The following SNX2 variants were observed in gnomAD, a reference collection of about 807,000 sequenced individuals.
SNX2 encodes sorting nexin 2.
A neutral mutation model predicts 69.9 loss-of-function variants in SNX2; 25 were observed. The observed-to-expected ratio is 0.36, with a 90% CI of 0.26 to 0.50. The LOEUF is 0.50. Among genes scored for constraint, SNX2 ranks in the 20% least tolerant of loss-of-function variants. The probability of loss-of-function intolerance (pLI) is 0.97; values close to 1 mark genes in which losing one functional copy is unlikely to be tolerated. For synonymous variants in SNX2, 229 were observed against 200.4 expected (o/e 1.14, Z -1.20); for missense variants, 551 against 613.3 (o/e 0.90, Z 1.07).
intron 1 of SNX2, among the ~76,000 whole-genome samples, chr5:122,783,412 A>G (rs1753018499): frequency 6.6e-6 from 1 of 152,182 alleles, no homozygotes; most frequent in Admixed American, 6.5e-5. Flanking sequence ...TTTTGCTTAT[A>G]GTTTCTTCCA....
intron 11 of SNX2, among the ~76,000 whole-genome samples, chr5:122,824,511 T>A (rs1754110457): frequency 6.6e-6 from 1 of 152,048 alleles, no homozygotes; most frequent in African/African-American, 2.4e-5. Flanking sequence ...GTAAGAAAAA[T>A]TATCTGAGAA....
At chr5:122,810,342 A>G (rs1318090894) in intron 7 of SNX2, among the ~76,000 whole-genome samples, 2 of 140,294 alleles carry the variant, frequency 1.4e-5, no homozygotes, top group Non-Finnish European at 3.0e-5. Context: ...TCCCTCCACT[A>G]TTGTCCTATG....
intron 6 of SNX2, among the ~76,000 whole-genome samples, chr5:122,805,925 C>T (rs966469029): frequency 2.6e-5 from 4 of 152,034 alleles, no homozygotes; most frequent in South Asian, 2.1e-4. Flanking sequence ...GGACTACAGG[C>T]GCCCGCCACC....
chr5:122,806,142 G>GCGCACGCGCACACACACACACACACA, intron 6 of SNX2, among the ~76,000 whole-genome samples: 3,866 of 130,288 alleles, frequency 0.03, 68 homozygotes, highest in Admixed American at 0.046. Context: ...ACACGCGCGC[G>GCGCACGCGCACACACACACACACACA]CACACACACA....
chr5:122,797,449 G>A (rs1317821750), intron 2 of SNX2, among the ~76,000 whole-genome samples: 1 of 150,614 alleles, frequency 6.6e-6, no homozygotes, highest in Non-Finnish European at 1.5e-5. Flanking sequence ...ACATCATTAA[G>A]TGACTGAAGA....
chr5:122,819,061 T>C (rs1336236795), intron 11 of SNX2, 38 bp downstream of exon 11: 1 of 1,506,958 alleles, frequency 6.6e-7, no homozygotes, highest in Admixed American at 1.8e-5. Flanking sequence ...TTGTGTCGTG[T>C]ACTTTAAAAA....
chr5:122,831,547 A>C lies in SNX2; in HGVS notation c.*1899A>C, dbSNP rs1297566771. 1.3e-5 allele frequency among the ~76,000 whole-genome samples: 2 copies of C among 152,238 alleles called. No homozygotes were observed. The highest frequency in any genetic ancestry group is 2.4e-5 in the African/African-American group (1 of 41,470). On this transcript the variant is annotated 3_prime_UTR_variant, in exon 15 of 15. Coordinates refer to ENST00000379516, the MANE Select transcript of SNX2 (RefSeq NM_003100.4). ...AAAACAAAAGTTTGCTCTTCTAAAA[A>C]GAAACTGAAGCAGAAATAGTACAAT...
At chr5:122,786,517 C>T (rs1180349253) in intron 1 of SNX2, among the ~76,000 whole-genome samples, 1 of 151,806 alleles carries the variant, frequency 6.6e-6, no homozygotes, top group Non-Finnish European at 1.5e-5. Flanking sequence ...GGTTGCTCTG[C>T]AGCTTAAAAT....
rs1341800953 is a variant in SNX2, at chr5:122,827,824, T to G, written c.1509+178T>G. 3.7e-5 allele frequency: 17 copies of G among 465,332 alleles called. 1 individual carries two copies. The highest frequency in any genetic ancestry group is 2.4e-4 in the African/African-American group (12 of 49,522). 28.8% of individuals were successfully genotyped at this position (465,332 alleles called of 1,614,324 possible). A position where few individuals can be genotyped will look rare whatever the true frequency, so the allele number is the denominator to read the frequency against. On this transcript the variant is annotated intron_variant, in intron 14 of 14. Transcript: ENST00000379516. The stretch of plus-strand genomic sequence containing the variant: ...CTAATCGGAAACTATCTCACGTGTT[T>G]TTTTTTTTTTTGCCTCTGCTTAACA...
intron 7 of SNX2, among the ~76,000 whole-genome samples, chr5:122,809,332 A>G (rs1038563635): frequency 6.6e-6 from 1 of 152,160 alleles, no homozygotes; most frequent in Non-Finnish European, 1.5e-5. Flanking sequence ...AGGGACAGCT[A>G]TACTTAAAGA....
intron 7 of SNX2, among the ~76,000 whole-genome samples, chr5:122,815,055 A>G (rs1410571897): frequency 6.6e-6 from 1 of 152,164 alleles, no homozygotes; most frequent in Non-Finnish European, 1.5e-5. Context: ...AGCCGATAGC[A>G]GTTGTTTTTA....
intron 1 of SNX2, among the ~76,000 whole-genome samples, chr5:122,776,865 C>CT (rs1752868478): frequency 6.6e-6 from 1 of 152,068 alleles, no homozygotes; most frequent in African/African-American, 2.4e-5. Context: ...GTGTTACAAC[C>CT]TTTTTTCAGT....
At position 122,818,975 on chromosome 5, in the gene SNX2, G is replaced by A. The variant is rs180823037; in HGVS notation, c.1164G>A (p.Met388Ile). Residue 388 changes from methionine (M) to isoleucine (I), a missense_variant, in exon 11 of 15, where the codon ATG (methionine) becomes ATA (isoleucine). Physicochemically the swap from Met to Ile is conservative, Grantham distance 10 (BLOSUM62 1). Around this residue, in one of 2 missense-constraint regions of SNX2, gnomAD observed 360 missense variants for 450.4 expected, o/e 0.80. Coordinates refer to ENST00000379516, the MANE Select transcript of SNX2 (RefSeq NM_003100.4). ...HQEQAFADFYMFSELLSDYIR... is the reference protein window; with the variant it reads ...HQEQAFADFYIFSELLSDYIR... ...AACAAGCTTTTGCTGACTTTTATATGTTTTCAGAACTACTTAGTGACTACA... is the reference window on the plus strand; with the variant it reads ...AACAAGCTTTTGCTGACTTTTATATATTTTCAGAACTACTTAGTGACTACA... 27 of 1,613,834 alleles carry A rather than the reference G, an allele frequency of 1.7e-5. No individual in the cohort carries two copies. In the East Asian group the frequency reaches 5.4e-4, roughly 32 times the overall value.
chr5:122,775,608 G>A, intron 1 of SNX2: 2 of 989,940 alleles, frequency 2.0e-6, no homozygotes, highest in South Asian at 4.7e-5. Context: ...CCTTTCCAGA[G>A]GGAGGGTGTG....
Position 122,815,981 on chromosome 5 carries a change from C to G in SNX2, c.798+10C>G. 1.3e-6 allele frequency: 2 copies of G among 1,488,196 alleles called. No homozygotes were observed. Among genetic ancestry groups the G allele is most frequent in the Non-Finnish European group, 1.9e-6 (2 of 1,077,082 alleles). 92.2% of individuals were successfully genotyped at this position (1,488,196 alleles called of 1,614,324 possible). On this transcript the variant is annotated intron_variant, in intron 8 of 14. Transcript: ENST00000379516. The stretch of plus-strand genomic sequence containing the variant: ...CTTGGAAAGTTCAGAGGTATTATTT[C>G]TATATTAAATGTTTGTATATGAATG...
intron 1 of SNX2, among the ~76,000 whole-genome samples, chr5:122,777,656 A>G (rs919858567): frequency 2.6e-5 from 4 of 152,224 alleles, no homozygotes; most frequent in South Asian, 2.1e-4. Context: ...TGTAATGCCT[A>G]TGCATTACTA....
chr5:122,795,207 A>G, intron 1 of SNX2, 59 bp from the exon 2 acceptor site: 1 of 1,072,760 alleles, frequency 9.3e-7, no homozygotes, highest in Non-Finnish European at 1.4e-6. Context: ...GTACATGGTG[A>G]CAGAATTACA....
At chr5:122,791,642 C>T (rs1462184746) in intron 1 of SNX2, among the ~76,000 whole-genome samples, 1 of 152,200 alleles carries the variant, frequency 6.6e-6, no homozygotes, top group Non-Finnish European at 1.5e-5. Context: ...GTCTCGAACT[C>T]CTGACCTCAG....
intron 10 of SNX2, 113 bp downstream of exon 10, chr5:122,817,486 C>A: frequency 1.5e-6 from 1 of 685,238 alleles, no homozygotes; most frequent in East Asian, 3.0e-5. Context: ...AGAAAACAAT[C>A]ATTTAAGACA....
Sources: allele counts gnomAD v4.1 joint callset (sites outside exome capture counted in the v4.1 genomes callset), GRCh38; gene constraint gnomAD v4.1.1; regional missense constraint gnomAD v4.1.1; transcripts MANE v1.5; gene names NCBI Gene and HGNC (gene_info 2026-07-23, HGNC 2026-07-21).